Variants in RPTOR observed in about 807,000 individuals in gnomAD.
RPTOR encodes the protein regulatory associated protein of MTOR complex 1, also known as regulatory-associated protein of mTOR.
RPTOR carries 21 observed loss-of-function variants against 169.9 expected under a neutral mutation model. The observed-to-expected ratio is 0.12, with a 90% CI of 0.09 to 0.18. The LOEUF (loss-of-function observed/expected upper bound fraction) is 0.18. Ranked by LOEUF, RPTOR falls within the 10% of genes least tolerant of loss-of-function variation. The pLI is 1.00. For missense variants in RPTOR, 1,133 were observed against 1,855.9 expected (o/e 0.61, Z 7.16); for synonymous variants, 732 against 753.2 (o/e 0.97, Z 0.46).
intron 3 of RPTOR, among the ~76,000 whole-genome samples, chr17:80,697,722 C>T (rs1047547252): frequency 1.8e-4 from 27 of 152,340 alleles, no homozygotes; most frequent in South Asian, 4.1e-4. Flanking sequence ...GAGCAGAGGG[C>T]TCGCAGGTGG....
intron 1 of RPTOR, among the ~76,000 whole-genome samples, chr17:80,558,857 C>A (rs943591623): frequency 6.6e-6 from 1 of 152,170 alleles, no homozygotes; most frequent in Non-Finnish European, 1.5e-5. Flanking sequence ...ATTTGGTGGT[C>A]GTGTCTGTGT....
intron 10 of RPTOR, among the ~76,000 whole-genome samples, chr17:80,842,333 A>AT (rs34731564): frequency 0.071 from 10,721 of 149,994 alleles, 1,199 homozygotes; most frequent in African/African-American, 0.24. Flanking sequence ...TTGATTACTG[A>AT]TTTTTTTTTT....
At chr17:80,579,523 CACA>C (rs2064996679) in intron 1 of RPTOR, among the ~76,000 whole-genome samples, 1 of 152,142 alleles carries the variant, frequency 6.6e-6, no homozygotes, top group Admixed American at 6.5e-5. Context: ...AGGTTTTTGC[CACA>C]ACAACACTTC....
chr17:80,713,585 A>G (rs2066214804), intron 4 of RPTOR, among the ~76,000 whole-genome samples: 1 of 152,226 alleles, frequency 6.6e-6, no homozygotes, highest in African/African-American at 2.4e-5. Context: ...TTTAAATACA[A>G]AGACATATGA....
chr17:80,840,650 T>TTCACCGCACGGCAG lies in RPTOR; in HGVS notation c.1212+2653_1212+2654insTCACCGCACGGCAG, dbSNP rs2067626951. 7.2e-4 allele frequency among the ~76,000 whole-genome samples: 35 copies of TTCACCGCACGGCAG among 48,724 alleles called. 3 individuals carry two copies. Among genetic ancestry groups the TTCACCGCACGGCAG allele is most frequent in the Non-Finnish European group, 1.5e-3 (29 of 19,774 alleles). 32.0% of individuals were successfully genotyped at this position (48,724 alleles called of 152,430 possible). On this transcript the variant is annotated intron_variant, in intron 10 of 33. Coordinates refer to ENST00000306801, the MANE Select transcript of RPTOR (RefSeq NM_020761.3). Reference sequence around the variant, plus strand: ...TCACTCTCACCGCACGGCAGCTCACTCTCACCACACCACAGCTCACTCTCA... The same window carrying TTCACCGCACGGCAG: ...TCACTCTCACCGCACGGCAGCTCACTTCACCGCACGGCAGCTCACCACACCACAGCTCACTCTCA...
chr17:80,566,308 C>T (rs2064839244), intron 1 of RPTOR, among the ~76,000 whole-genome samples: 1 of 152,124 alleles, frequency 6.6e-6, no homozygotes, highest in African/African-American at 2.4e-5. Flanking sequence ...ATAGAGATAG[C>T]GCGGTAACTC....
At chr17:80,777,146 A>G (rs192851247) in intron 6 of RPTOR, among the ~76,000 whole-genome samples, 1 of 152,152 alleles carries the variant, frequency 6.6e-6, no homozygotes, top group Admixed American at 6.5e-5. Context: ...CTGAGGCAGG[A>G]GAATCGCTTG....
intron 16 of RPTOR, among the ~76,000 whole-genome samples, chr17:80,884,405 GT>G (rs1388318481): frequency 3.9e-5 from 6 of 152,228 alleles, no homozygotes; most frequent in Admixed American, 3.9e-4. Context: ...AACTCTGGGA[GT>G]TTCATGCACC....
At chr17:80,891,246 CAT>C (rs2068318997) in intron 17 of RPTOR, among the ~76,000 whole-genome samples, 2 of 152,238 alleles carry the variant, frequency 1.3e-5, no homozygotes, top group Admixed American at 6.5e-5. Context: ...GAAAGTTTCA[CAT>C]GTGTTGAAAA....
At chr17:80,868,560 T>C (rs1460538592) in intron 13 of RPTOR, among the ~76,000 whole-genome samples, 4 of 152,228 alleles carry the variant, frequency 2.6e-5, no homozygotes, top group Non-Finnish European at 5.9e-5. Context: ...CTTTGCAAAC[T>C]TATTTCACAG....
In RPTOR at chr17:80,883,456, T is replaced by A. The variant is rs771848926; in HGVS notation, c.1622T>A (p.Val541Glu). 54 of 1,614,018 alleles carry A rather than the reference T, an allele frequency of 3.3e-5. No homozygotes were observed. Among genetic ancestry groups the A allele is most frequent in the Non-Finnish European group, 4.6e-5 (54 of 1,180,038 alleles). Residue 541 changes from valine (V) to glutamate (E), a missense_variant, in exon 15 of 34, where the codon GTG (valine) becomes GAG (glutamate). Physicochemically the swap from Val to Glu is moderately radical, Grantham distance 121 (BLOSUM62 -2). Transcript: ENST00000306801. ...ACCATGACGGCTTTCATTCTCGCCG[T>A]GATCGTCAACAGCTATCACACGGGG... ...HRTMTAFILA[V>E]IVNSYHTGQE...
chr17:80,634,556 C>CTG lies in RPTOR; in HGVS notation c.265+8772_265+8773dup, dbSNP rs1275387566. Among the ~76,000 whole-genome samples, 390 of 71,914 alleles carry CTG rather than the reference C, an allele frequency of 5.4e-3. 1 individual carries two copies. The highest frequency in any genetic ancestry group is 7.5e-3 in the Non-Finnish European group (273 of 36,630). The allele number at this position is 71,914 out of a possible 152,430, so 47.2% of individuals were successfully genotyped here. A position where few individuals can be genotyped will look rare whatever the true frequency, so the allele number is the denominator to read the frequency against. On this transcript the variant is annotated intron_variant, in intron 2 of 33. Transcript: ENST00000306801. ...CATGTGCGTACTGTGTGTGTGCATA[C>CTG]TGTGTGTGTGCATACTGTGTGTGTG...
chr17:80,865,937 A>C (rs989207546), intron 13 of RPTOR, among the ~76,000 whole-genome samples: 3 of 152,234 alleles, frequency 2.0e-5, no homozygotes, highest in African/African-American at 7.2e-5. Flanking sequence ...CGTGTTCTAC[A>C]GCCACAGTGG....
At chr17:80,709,050 A>G (rs1178736926) in intron 4 of RPTOR, 3 of 985,428 alleles carry the variant, frequency 3.0e-6, no homozygotes, top group East Asian at 2.3e-4. Context: ...GGCCCAGAGC[A>G]GAGACCTCGA....
At position 80,717,532 on chromosome 17, in the gene RPTOR, G is replaced by A. The variant is rs541864982; in HGVS notation, c.507+9533G>A. Among the ~76,000 whole-genome samples the A allele has an allele frequency of 2.6e-5, 4 of 152,156 alleles. No homozygotes were observed. The South Asian group carries it at 6.2e-4, about 24-fold the overall frequency. On this transcript the variant is annotated intron_variant, in intron 4 of 33. Transcript: ENST00000306801. Reference sequence around the variant, plus strand: ...TTTGCACATCACGTGGCATGCCACCGGAGACAGGCGCGTGTTCTTCCAGAT... The same window carrying A: ...TTTGCACATCACGTGGCATGCCACCAGAGACAGGCGCGTGTTCTTCCAGAT...
chr17:80,589,536 C>T (rs2065088496), intron 1 of RPTOR, among the ~76,000 whole-genome samples: 1 of 152,082 alleles, frequency 6.6e-6, no homozygotes, highest in Admixed American at 6.6e-5. Flanking sequence ...ATCTGTAGGT[C>T]CATAGATCAT....
chr17:80,830,662 G>C (rs775601216), intron 9 of RPTOR, among the ~76,000 whole-genome samples: 12 of 152,214 alleles, frequency 7.9e-5, no homozygotes, highest in Admixed American at 3.3e-4. Context: ...CAGTGGCTTC[G>C]AAAGGAGTTT....
chr17:80,737,529 G>C (rs1028729655), intron 5 of RPTOR, among the ~76,000 whole-genome samples: 1 of 152,152 alleles, frequency 6.6e-6, no homozygotes, highest in African/African-American at 2.4e-5. Flanking sequence ...AGGTCTTCAG[G>C]TAATCTGTGC....
chr17:80,780,523 C>G (rs978864501), intron 6 of RPTOR, among the ~76,000 whole-genome samples: 1 of 152,272 alleles, frequency 6.6e-6, no homozygotes, highest in Admixed American at 6.5e-5. Flanking sequence ...AGAGGCGGTC[C>G]GGGCTAGAAG....
Sources: gnomAD v4.1 joint callset for allele counts (sites outside exome capture counted in the v4.1 genomes callset) on GRCh38, gnomAD v4.1.1 for gene constraint, MANE v1.5 for transcripts, NCBI Gene and HGNC (gene_info 2026-07-23, HGNC 2026-07-21) for gene names.